Variants in PTN observed in about 807,000 individuals in gnomAD.
PTN encodes pleiotrophin.
Under a neutral mutation model 24.1 loss-of-function variants are expected in PTN, and 18 were observed. That is an observed-to-expected ratio of 0.75 (90% CI 0.52 to 1.11). The LOEUF is 1.11. Ranked by LOEUF, PTN falls within the 50% of genes least tolerant of loss-of-function variation. The pLI, the probability that PTN is intolerant of heterozygous loss-of-function variation, is 0.00. For synonymous variants in PTN, 78 were observed against 68.6 expected (o/e 1.14, Z -0.67); for missense variants, 163 against 198.8 (o/e 0.82, Z 1.08).
intron 1 of PTN, among the ~76,000 whole-genome samples, chr7:137,322,555 T>C (rs536144935): frequency 2.0e-5 from 3 of 152,316 alleles, no homozygotes; most frequent in Admixed American, 2.0e-4. Context: ...TTAAAAACTC[T>C]GTTATTCATA....
intron 4 of PTN, among the ~76,000 whole-genome samples, chr7:137,234,589 A>G (rs2128867881): frequency 6.6e-6 from 1 of 152,146 alleles, no homozygotes; most frequent in South Asian, 2.1e-4. Flanking sequence ...TCAACTCCCC[A>G]CTTTCAATAT....
chr7:137,262,845 C>T (rs1012018201), intron 1 of PTN, among the ~76,000 whole-genome samples: 1 of 152,114 alleles, frequency 6.6e-6, no homozygotes, highest in African/African-American at 2.4e-5. Flanking sequence ...ATTTTTACTA[C>T]CAGGCTTAGG....
At chr7:137,231,387 T>C (rs954231908) in intron 4 of PTN, among the ~76,000 whole-genome samples, 2 of 151,888 alleles carry the variant, frequency 1.3e-5, no homozygotes, top group South Asian at 2.1e-4. Context: ...CACCTAGTCA[T>C]CCTTAAAATC....
intron 1 of PTN, among the ~76,000 whole-genome samples, chr7:137,333,043 G>A (rs750638699): frequency 8.5e-5 from 13 of 152,148 alleles, no homozygotes; most frequent in Non-Finnish European, 1.8e-4. Flanking sequence ...GAAGAGTTTG[G>A]GTCATGGGAG....
intron 4 of PTN, among the ~76,000 whole-genome samples, chr7:137,238,363 C>T (rs1295022400): frequency 6.6e-6 from 1 of 152,126 alleles, no homozygotes; most frequent in African/African-American, 2.4e-5. Flanking sequence ...CGCCCTTACT[C>T]TCAAGGAACA....
intron 4 of PTN, among the ~76,000 whole-genome samples, chr7:137,235,057 A>G (rs1294749014): frequency 6.6e-6 from 1 of 152,094 alleles, no homozygotes; most frequent in Non-Finnish European, 1.5e-5. Context: ...CTGAAAAGGA[A>G]CAGTTGGAGG....
intron 1 of PTN, among the ~76,000 whole-genome samples, chr7:137,311,554 C>T (rs1418920539): frequency 1.3e-5 from 2 of 152,134 alleles, no homozygotes; most frequent in Non-Finnish European, 2.9e-5. Context: ...GAGAGATGTT[C>T]AACTCTTCCT....
At chr7:137,339,521 A>G (rs1358231210) in intron 1 of PTN, among the ~76,000 whole-genome samples, 1 of 145,694 alleles carries the variant, frequency 6.9e-6, no homozygotes, top group Non-Finnish European at 1.5e-5. Flanking sequence ...TGAGGTCAAC[A>G]TTGCAGTGAT....
At chr7:137,253,430 G>C (rs1405296414) in intron 3 of PTN, 34 bp downstream of exon 3, 1 of 1,542,882 alleles carries the variant, frequency 6.5e-7, no homozygotes, top group Non-Finnish European at 8.8e-7. Context: ...AATTATCTCA[G>C]AGTAGGAGAT....
intron 1 of PTN, among the ~76,000 whole-genome samples, chr7:137,258,180 T>G (rs1365739928): frequency 1.3e-5 from 2 of 152,180 alleles, no homozygotes; most frequent in African/African-American, 4.8e-5. Flanking sequence ...AAATAAAATT[T>G]TTAGTATAGA....
At chr7:137,300,985 C>G (rs1474442200) in intron 1 of PTN, among the ~76,000 whole-genome samples, 2 of 151,906 alleles carry the variant, frequency 1.3e-5, no homozygotes, top group Admixed American at 6.6e-5. Context: ...CATTCATTCC[C>G]CATTCTTAAT....
At chr7:137,330,003 T>G (rs922021918) in intron 1 of PTN, among the ~76,000 whole-genome samples, 4 of 152,106 alleles carry the variant, frequency 2.6e-5, no homozygotes, top group Non-Finnish European at 4.4e-5. Flanking sequence ...ATAATGCCAG[T>G]TGGTCGGGTG....
chr7:137,337,776 A>C (rs1344747618), intron 1 of PTN, among the ~76,000 whole-genome samples: 1 of 152,162 alleles, frequency 6.6e-6, no homozygotes, highest in East Asian at 1.9e-4. Flanking sequence ...TGAGAATGGG[A>C]ATGCTTGGGC....
At chr7:137,271,733 T>C (rs1003942889) in intron 1 of PTN, among the ~76,000 whole-genome samples, 2 of 152,234 alleles carry the variant, frequency 1.3e-5, no homozygotes, top group Non-Finnish European at 2.9e-5. Context: ...GTCTATCTGC[T>C]GCAACGTGGT....
intron 1 of PTN, among the ~76,000 whole-genome samples, chr7:137,310,808 T>C (rs1315654338): frequency 2.6e-5 from 4 of 152,214 alleles, no homozygotes; most frequent in Non-Finnish European, 5.9e-5. Context: ...CTGCAGGTTC[T>C]ACATCAGCAT....
At chr7:137,280,060 C>T (rs1374544005) in intron 1 of PTN, among the ~76,000 whole-genome samples, 1 of 152,148 alleles carries the variant, frequency 6.6e-6, no homozygotes, top group Non-Finnish European at 1.5e-5. Flanking sequence ...TGTCAACATA[C>T]AGAATATGGG....
chr7:137,315,775 G>A (rs1268882680), intron 1 of PTN, among the ~76,000 whole-genome samples: 1 of 152,072 alleles, frequency 6.6e-6, no homozygotes, highest in African/African-American at 2.4e-5. Context: ...CTTTGGAGCT[G>A]GGACACTAGA....
At chr7:137,339,034 A>G (rs888773926) in intron 1 of PTN, among the ~76,000 whole-genome samples, 4 of 152,148 alleles carry the variant, frequency 2.6e-5, no homozygotes, top group Non-Finnish European at 5.9e-5. Flanking sequence ...CAAGAAAAAA[A>G]AAAGCAAAAC....
chr7:137,334,976 A>G (rs1392773585), intron 1 of PTN, among the ~76,000 whole-genome samples: 1 of 141,782 alleles, frequency 7.1e-6, no homozygotes, highest in Non-Finnish European at 1.5e-5. Flanking sequence ...TCTCACTCAT[A>G]GGTGAGAATT....
Sources: gnomAD v4.1 joint callset for allele counts (sites outside exome capture counted in the v4.1 genomes callset) on GRCh38, gnomAD v4.1.1 for gene constraint, MANE v1.5 for transcripts, NCBI Gene and HGNC (gene_info 2026-07-23, HGNC 2026-07-21) for gene names.